The following IGSF22 variants were observed in gnomAD, a reference collection of about 807,000 sequenced individuals.
The protein encoded by IGSF22 is immunoglobulin superfamily member 22.
In IGSF22, 119 loss-of-function variants were observed where a neutral mutation model predicts 127.0. The observed-to-expected ratio is 0.94, with a 90% CI of 0.81 to 1.09. The LOEUF (loss-of-function observed/expected upper bound fraction) is 1.09, where lower values mean the gene tolerates loss of function less well. IGSF22 is among the 50% of genes least tolerant of loss of function. IGSF22 has a pLI of 0.00. For missense variants in IGSF22, 1,518 were observed against 1,716.6 expected (o/e 0.88, Z 2.04); for synonymous variants, 568 against 664.7 (o/e 0.85, Z 2.24).
chr11:18,714,707 A>T, intron 11 of IGSF22, 83 bp from the exon 12 acceptor site: 1 of 1,532,832 alleles, frequency 6.5e-7, no homozygotes, highest in Non-Finnish European at 8.8e-7. Context: ...AGCGATGGTC[A>T]TGGGACTGGT....
In IGSF22 at chr11:18,716,316, G is replaced by A. The variant is rs182228502; in HGVS notation, c.1246+412C>T. 6.6e-6 allele frequency among the ~76,000 whole-genome samples: 1 copy of A among 152,244 alleles called. No homozygotes were observed. The highest frequency in any genetic ancestry group is 2.4e-5 in the African/African-American group (1 of 41,514). On this transcript the variant is annotated intron_variant, in intron 10 of 22. Transcript: ENST00000513874. This position sits in a 1 kb window ranked among gnomAD's most constrained non-coding sequence, Gnocchi z 4.5. ...TGATTCCATGTGATATAGATTCCAGGTGCGGTTCAGATGTGTGACATGCTC... is the reference window on the plus strand; with the variant it reads ...TGATTCCATGTGATATAGATTCCAGATGCGGTTCAGATGTGTGACATGCTC...
intron 8 of IGSF22, 54 bp downstream of exon 8, chr11:18,718,561 G>A: frequency 1.1e-6 from 1 of 949,474 alleles, no homozygotes; most frequent in African/African-American, 1.6e-5. Context: ...GTGAGAGAAG[G>A]GGGTAGAGAG....
intron 7 of IGSF22, 127 bp from the exon 8 acceptor site, chr11:18,718,855 G>T: frequency 1.5e-6 from 1 of 657,674 alleles, no homozygotes; most frequent in South Asian, 1.8e-5. Flanking sequence ...AGATAACAAC[G>T]TGCAGTGCTC....
intron 21 of IGSF22, 77 bp downstream of exon 21, chr11:18,706,837 G>T: frequency 8.7e-7 from 1 of 1,144,332 alleles, no homozygotes; most frequent in Non-Finnish European, 1.2e-6. Context: ...TGCCTCTTGG[G>T]TACCCTTTGG....
In IGSF22 at chr11:18,712,360, C is replaced by T. The variant is rs778805167; in HGVS notation, c.2120G>A (p.Arg707Gln). ...ACCTGAGAGCTCCAGGAACTCCACC[C>T]GGCCCTGTGGAGGCTTTGGACGGTC... Reference protein sequence around the residue: ...VLDRPKPPQGRVEFLELSGSC... With the variant: ...VLDRPKPPQGQVEFLELSGSC... Residue 707 changes from arginine (R) to glutamine (Q), a missense_variant, in exon 15 of 23, where the codon CGG (arginine) becomes CAG (glutamine). Physicochemically the swap from Arg to Gln is conservative, Grantham distance 43. Transcript: ENST00000513874. 4.2e-5 allele frequency: 65 copies of T among 1,551,296 alleles called. No homozygotes were observed. Among genetic ancestry groups the T allele is most frequent in the African/African-American group, 5.5e-5 (4 of 73,034 alleles).
At position 18,710,837 on chromosome 11, in the gene IGSF22, G is replaced by GAA; in HGVS notation, c.2399-11_2399-10dup. 1 of 1,609,506 alleles carries GAA rather than the reference G, an allele frequency of 6.2e-7. No individual in the cohort carries two copies. Among genetic ancestry groups the GAA allele is most frequent in the African/African-American group, 1.3e-5 (1 of 74,994 alleles). On this transcript the variant is annotated splice_polypyrimidine_tract_variant and intron_variant, in intron 15 of 22. Coordinates refer to ENST00000513874, the MANE Select transcript of IGSF22 (RefSeq NM_173588.4). ...GGCAAAACCAGGAGGCTCTGTGGGGGAAAGAGAGAGTGCAAAGGTTAGGAG... is the reference window on the plus strand; with the variant it reads ...GGCAAAACCAGGAGGCTCTGTGGGGGAAAAAGAGAGAGTGCAAAGGTTAGGAG...
At position 18,707,199 on chromosome 11, in the gene IGSF22, G is replaced by A. The variant is rs1305093088; in HGVS notation, c.3295C>T (p.Pro1099Ser). The change falls in exon 21 of 23, where the codon CCC (proline) becomes TCC (serine). Residue 1099 changes from proline to serine, a missense_variant. By Grantham distance (74) the Pro-to-Ser change is moderately conservative (BLOSUM62 -1). Coordinates refer to ENST00000513874, the MANE Select transcript of IGSF22 (RefSeq NM_173588.4). The part of the protein sequence containing the change: ...HVRVADFPRP[P>S]TNLRLFEEVP... ...TCCTCAAACAACCGTAGGTTTGTGG[G>A]GGGCCGAGGGAAATCTGGAAGAGTT... 6.5e-7 allele frequency: 1 copy of A among 1,532,296 alleles called. No individual in the cohort carries two copies. Among genetic ancestry groups the A allele is most frequent in the Non-Finnish European group, 8.8e-7 (1 of 1,134,882 alleles). The allele number at this position is 1,532,296 out of a possible 1,614,324, so 94.9% of individuals were successfully genotyped here.
At chr11:18,724,982 T>G (rs1848629063) in intron 1 of IGSF22, among the ~76,000 whole-genome samples, 1 of 151,682 alleles carries the variant, frequency 6.6e-6, no homozygotes, top group Non-Finnish European at 1.5e-5. Context: ...ATAGGAAAAC[T>G]CATGTGTTCT....
In IGSF22 at chr11:18,706,133, G is replaced by T; in HGVS notation, c.3594C>A (p.Ser1198Arg). The change falls in exon 22 of 23, where the codon AGC (serine) becomes AGA (arginine). Residue 1198 changes from serine (S) to arginine (R), a missense_variant. By Grantham distance (110) the Ser-to-Arg change is moderately radical. Around this residue, in one of 3 missense-constraint regions of IGSF22, gnomAD observed 1,456 missense variants for 1,644.9 expected, o/e 0.89. Coordinates refer to ENST00000513874, the MANE Select transcript of IGSF22 (RefSeq NM_173588.4). The part of the protein sequence containing the change: ...LINKDQIQDL[S>R]AKLKPYEKKD... ...TCTTCTCGTAGGGCTTGAGCTTGGCGCTCAGGTCCTGGACTGCGCGGGCGG... is the reference window on the plus strand; with the variant it reads ...TCTTCTCGTAGGGCTTGAGCTTGGCTCTCAGGTCCTGGACTGCGCGGGCGG... 1 of 1,541,732 alleles carries T rather than the reference G, an allele frequency of 6.5e-7. No homozygotes were observed. The highest frequency in any genetic ancestry group is 8.7e-7 in the Non-Finnish European group (1 of 1,146,518).
intron 11 of IGSF22, among the ~76,000 whole-genome samples, chr11:18,714,939 T>G (rs917907085): frequency 6.6e-6 from 1 of 151,732 alleles, no homozygotes; most frequent in Admixed American, 6.6e-5. Flanking sequence ...GGATGCTGGG[T>G]TGGAGAGGGA....
At chr11:18,722,146 G>A in intron 2 of IGSF22, 105 bp from the exon 3 acceptor site, 1 of 1,382,682 alleles carries the variant, frequency 7.2e-7, no homozygotes, top group Non-Finnish European at 1.0e-6. Context: ...GGAACAAAGA[G>A]CATTTAGGGA....
rs528788256 is a variant in IGSF22, at chr11:18,707,198, G to A, written c.3296C>T (p.Pro1099Leu). Residue 1099 changes from proline to leucine, a missense_variant, in exon 21 of 23, where the codon CCC becomes CTC. Transcript: ENST00000513874. ...HVRVADFPRPPTNLRLFEEVP... is the reference protein window; with the variant it reads ...HVRVADFPRPLTNLRLFEEVP... ...TTCCTCAAACAACCGTAGGTTTGTG[G>A]GGGGCCGAGGGAAATCTGGAAGAGT... is the stretch of plus-strand genomic sequence containing the variant. 2.6e-4 allele frequency: 397 copies of A among 1,532,310 alleles called. 1 individual carries two copies. In the African/African-American group the frequency reaches 5.2e-3, roughly 20 times the overall value. 94.9% of individuals were successfully genotyped at this position (1,532,310 alleles called of 1,614,324 possible).
At chr11:18,722,110 C>A in intron 2 of IGSF22, 69 bp from the exon 3 acceptor site, 2 of 1,587,876 alleles carry the variant, frequency 1.3e-6, no homozygotes, top group Admixed American at 1.7e-5. Flanking sequence ...GAGGACAGAG[C>A]TTTCTTGAGA....
chr11:18,709,424 C>T lies in IGSF22; in HGVS notation c.2961G>A (p.Val987=). 1 of 1,614,174 alleles carries T rather than the reference C, an allele frequency of 6.2e-7. No homozygotes were observed. The highest frequency in any genetic ancestry group is 8.5e-7 in the Non-Finnish European group (1 of 1,180,036). The stretch of plus-strand genomic sequence containing the variant: ...TGGCACGGACCCCCTTGTCTAGCTC[C>T]ACAGGCTCCCCAACCCCAGCCTCAT... ...AVNEAGVGEP[V]ELDKGVRAMP... The change falls in exon 18 of 23, where the codon GTG becomes GTA. Residue 987 remains valine, a synonymous_variant. Transcript: ENST00000513874. The surrounding 1 kb of genome is among the most constrained non-coding windows in gnomAD (Gnocchi z 4.8).
chr11:18,705,731 C>T, intron 22 of IGSF22, 86 bp downstream of exon 22: 3 of 1,231,060 alleles, frequency 2.4e-6, no homozygotes, highest in Middle Eastern at 2.8e-4. Flanking sequence ...AAAAACGGTG[C>T]CAGCCAAATA....
At chr11:18,712,708 A>C (rs1392680514) in intron 14 of IGSF22, among the ~76,000 whole-genome samples, 1 of 152,156 alleles carries the variant, frequency 6.6e-6, no homozygotes, top group Non-Finnish European at 1.5e-5. Flanking sequence ...TGCTGGTACC[A>C]CTGTTTACCT....
Position 18,704,503 on chromosome 11 carries a change from C to G in IGSF22, c.3946G>C (p.Glu1316Gln). 6.4e-7 allele frequency: 1 copy of G among 1,550,834 alleles called. No homozygotes were observed. The highest frequency in any genetic ancestry group is 8.7e-7 in the Non-Finnish European group (1 of 1,146,600). The change falls in exon 23 of 23, where the codon GAG becomes CAG. Residue 1316 changes from glutamate to glutamine, a missense_variant. Physicochemically the swap from Glu to Gln is conservative, Grantham distance 29 (BLOSUM62 2). Coordinates refer to ENST00000513874, the MANE Select transcript of IGSF22 (RefSeq NM_173588.4). ...DDKSVVASIT[E>Q]SLQKKSKHLM is the part of the protein sequence containing the mutation. ...TGCTTTGATTTCTTCTGCAGACTCTCGGTGATGGATGCTACAACTGACTTA... is the reference window on the plus strand; with the variant it reads ...TGCTTTGATTTCTTCTGCAGACTCTGGGTGATGGATGCTACAACTGACTTA...
At chr11:18,712,035 A>T (rs778819953) in intron 15 of IGSF22, 47 bp downstream of exon 15, 1 of 1,494,054 alleles carries the variant, frequency 6.7e-7, no homozygotes. Flanking sequence ...TAAGGTCTCC[A>T]TGCTGACCCC....
chr11:18,717,780 T>C, intron 9 of IGSF22, 151 bp downstream of exon 9: 1 of 774,994 alleles, frequency 1.3e-6, no homozygotes, highest in Non-Finnish European at 2.1e-6. Flanking sequence ...ATCTGATGCT[T>C]CCTCCCTCCA....
Sources: allele counts gnomAD v4.1 joint callset (sites outside exome capture counted in the v4.1 genomes callset), GRCh38; gene constraint gnomAD v4.1.1; regional missense constraint gnomAD v4.1.1; non-coding constraint Gnocchi (gnomAD v3.1); transcripts MANE v1.5; gene names NCBI Gene and HGNC (gene_info 2026-07-23, HGNC 2026-07-21).